The following CATSPERT variants were observed in gnomAD, a reference collection of about 807,000 sequenced individuals.
The protein encoded by CATSPERT is catsper channel auxiliary subunit tau.
chr2:201,603,089 A>G, the CATSPERT span: 1 of 666,246 alleles, frequency 1.5e-6, no homozygotes, highest in Non-Finnish European at 2.4e-6. Flanking sequence ...CAAATAGTGA[A>G]TGAACAGTAG....
At chr2:201,589,486 CA>C in the CATSPERT span, among the ~76,000 whole-genome samples, 51 of 149,020 alleles carry the variant, frequency 3.4e-4, no homozygotes, top group East Asian at 6.5e-3. Context: ...ACAAACCTGA[CA>C]AAAACAACCA....
At chr2:201,604,780 A>C in the CATSPERT span, 3 of 1,017,038 alleles carry the variant, frequency 2.9e-6, no homozygotes, top group Admixed American at 7.1e-5. Flanking sequence ...TATTGTATGA[A>C]TCTCTAGTAA....
the CATSPERT span, among the ~76,000 whole-genome samples, chr2:201,503,337 C>T: frequency 6.6e-6 from 1 of 152,182 alleles, no homozygotes; most frequent in African/African-American, 2.4e-5. Flanking sequence ...AAATGATCTT[C>T]CTGCTTGAGC....
At chr2:201,594,229 C>G in the CATSPERT span, among the ~76,000 whole-genome samples, 1 of 152,248 alleles carries the variant, frequency 6.6e-6, no homozygotes, top group East Asian at 1.9e-4. Flanking sequence ...ATTTCTTCTT[C>G]ACTTATGAAG....
chr2:201,606,218 G>A, the CATSPERT span, among the ~76,000 whole-genome samples: 1 of 152,212 alleles, frequency 6.6e-6, no homozygotes, highest in African/African-American at 2.4e-5. Context: ...TAGAAAAACT[G>A]GCTCATAATG....
the CATSPERT span, among the ~76,000 whole-genome samples, chr2:201,610,902 CA>C: frequency 6.6e-6 from 1 of 151,604 alleles, no homozygotes; most frequent in South Asian, 2.1e-4. Flanking sequence ...ACACAGAAAG[CA>C]TTTGATAAAA....
At chr2:201,578,000 A>C in the CATSPERT span, among the ~76,000 whole-genome samples, 2 of 152,204 alleles carry the variant, frequency 1.3e-5, no homozygotes, top group African/African-American at 4.8e-5. Flanking sequence ...TTTATCAAGT[A>C]AAAATAAATG....
the CATSPERT span, chr2:201,555,280 C>T: frequency 1.3e-5 from 2 of 152,216 alleles, no homozygotes; most frequent in African/African-American, 2.4e-5. Context: ...TTTGGGAAGC[C>T]GAAGTGGATG....
At chr2:201,565,676 C>A in the CATSPERT span, 3 of 1,480,576 alleles carry the variant, frequency 2.0e-6, no homozygotes, top group African/African-American at 1.4e-5. Context: ...ACAAATAACA[C>A]CTAAGATGAA....
the CATSPERT span, chr2:201,491,729 A>T: frequency 6.5e-7 from 1 of 1,537,098 alleles, no homozygotes; most frequent in Non-Finnish European, 8.7e-7. Flanking sequence ...TGAACAGTCC[A>T]TTTATAGATG....
chr2:201,565,070 C>G, the CATSPERT span, among the ~76,000 whole-genome samples: 7 of 150,684 alleles, frequency 4.6e-5, no homozygotes, highest in African/African-American at 1.7e-4. Flanking sequence ...AATACCCAGA[C>G]TGAAGCATAG....
chr2:201,491,596 A>G, the CATSPERT span: 1 of 1,537,188 alleles, frequency 6.5e-7, no homozygotes, highest in Non-Finnish European at 8.7e-7. Flanking sequence ...CTCTGTATTG[A>G]AATGAGTTAA....
the CATSPERT span, chr2:201,537,578 A>T: frequency 1.1e-6 from 1 of 946,118 alleles, no homozygotes; most frequent in Non-Finnish European, 1.5e-6. Context: ...TTCTCACTAA[A>T]AACAAAGAGC....
At chr2:201,574,295 T>G in the CATSPERT span, 1 of 1,585,764 alleles carries the variant, frequency 6.3e-7, no homozygotes, top group Non-Finnish European at 8.6e-7. Flanking sequence ...TGTGATAAAT[T>G]TTATTGTTTG....
chr2:201,567,250 T>C, the CATSPERT span, among the ~76,000 whole-genome samples: 1 of 152,228 alleles, frequency 6.6e-6, no homozygotes, highest in Non-Finnish European at 1.5e-5. Flanking sequence ...TCCCCTTCTG[T>C]CATCTTCCAT....
chr2:201,536,503 T>C, the CATSPERT span, among the ~76,000 whole-genome samples: 1 of 151,950 alleles, frequency 6.6e-6, no homozygotes, highest in Non-Finnish European at 1.5e-5. Context: ...CCTGAAACCA[T>C]GGACTGTAGA....
the CATSPERT span, among the ~76,000 whole-genome samples, chr2:201,577,398 G>A: frequency 6.6e-6 from 1 of 152,052 alleles, no homozygotes; most frequent in Non-Finnish European, 1.5e-5. Context: ...ATCTCACTTC[G>A]AGTATACATT....
chr2:201,573,981 C>T, the CATSPERT span, among the ~76,000 whole-genome samples: 3 of 152,274 alleles, frequency 2.0e-5, no homozygotes, highest in Non-Finnish European at 4.4e-5. Flanking sequence ...ATAATAAAGA[C>T]ATTTTGAATA....
At chr2:201,496,023 G>T in the CATSPERT span, 1 of 1,188,396 alleles carries the variant, frequency 8.4e-7, no homozygotes, top group Non-Finnish European at 1.2e-6. Flanking sequence ...AGAATATCAA[G>T]ATCATTTTAT....
Sources: allele counts gnomAD v4.1 joint callset (sites outside exome capture counted in the v4.1 genomes callset), GRCh38; gene constraint gnomAD v4.1.1; transcripts MANE v1.5; gene names NCBI Gene and HGNC (gene_info 2026-07-23, HGNC 2026-07-21).